Variants in ESRP2 observed in about 807,000 individuals in gnomAD.
The protein encoded by ESRP2 is epithelial splicing regulatory protein 2.
A neutral mutation model predicts 78.6 loss-of-function variants in ESRP2; 48 were observed. The observed-to-expected ratio is 0.61, with a 90% CI of 0.48 to 0.78. The LOEUF (loss-of-function observed/expected upper bound fraction) is 0.78. Among genes scored for constraint, ESRP2 ranks in the 30% least tolerant of loss-of-function variants. ESRP2 has a pLI of 0.00. For missense variants in ESRP2, 863 were observed against 965.9 expected, an observed-to-expected ratio of 0.89 and a Z score of 1.41; for synonymous variants, 383 against 406.7, an observed-to-expected ratio of 0.94 and a Z score of 0.70.
chr16:68,231,706 GGCA>G lies in ESRP2; in HGVS notation c.1300-15_1300-13del. 6.3e-7 allele frequency: 1 copy of G among 1,596,556 alleles called. No homozygotes were observed. The highest frequency in any genetic ancestry group is 1.3e-5 in the African/African-American group (1 of 74,740). On this transcript the variant is annotated splice_polypyrimidine_tract_variant and intron_variant, in intron 10 of 14. Transcript: ENST00000473183. This position sits in a 1 kb window ranked among gnomAD's most constrained non-coding sequence, Gnocchi z 6.0. ...TAGCGGTTCAAGACCTAGTAAGGAA[GGCA>G]GCAACAGGCTGGTCATGCCAAGTAG...
Position 68,232,781 on chromosome 16 carries a change from C to A in ESRP2, c.690G>T (p.Gln230His). The A allele has an allele frequency of 6.2e-7, 1 of 1,614,254 alleles. No individual in the cohort carries two copies. The highest frequency in any genetic ancestry group is 1.1e-5 in the South Asian group (1 of 91,088). The change falls in exon 6 of 15, where the codon CAG (glutamine) becomes CAT (histidine). Residue 230 changes from glutamine to histidine, a missense_variant. Gln to His is a conservative substitution (Grantham distance 24, BLOSUM62 0). Coordinates refer to ENST00000473183, the MANE Select transcript of ESRP2 (RefSeq NM_024939.3). This position sits in a 1 kb window ranked among gnomAD's most constrained non-coding sequence, Gnocchi z 5.2. ...QLFSKPEVIK[Q>H]KYETGPCSKA... The stretch of plus-strand genomic sequence containing the variant: ...CTCACCAAGGCCCCGTCTCGTATTT[C>A]TGCTTTATCACCTCGGGCTTCGAAA...
rs955203403 is a variant in ESRP2, at chr16:68,232,497, A to G, written c.828T>C (p.Gly276=). The change falls in exon 8 of 15, where the codon GGT becomes GGC. Residue 276 remains glycine, a synonymous_variant. Coordinates refer to ENST00000473183, the MANE Select transcript of ESRP2 (RefSeq NM_024939.3). This position sits in a 1 kb window ranked among gnomAD's most constrained non-coding sequence, Gnocchi z 5.2. ...FFKGLNVARG[G]VALCLNAQGR... The stretch of plus-strand genomic sequence containing the variant: ...CCTGGGCGTTGAGGCAGAGTGCTAC[A>G]CCACCCCTGTGGAGCCAGTGCTGTT... 3 of 1,613,942 alleles carry G rather than the reference A, an allele frequency of 1.9e-6. No homozygotes were observed. The highest frequency in any genetic ancestry group is 2.7e-5 in the African/African-American group (2 of 74,898).
chr16:68,233,938 G>A, intron 3 of ESRP2, 56 bp from the exon 4 acceptor site: 1 of 1,603,202 alleles, frequency 6.2e-7, no homozygotes, highest in South Asian at 1.1e-5. Context: ...GACAAGAGGG[G>A]TTCTGGGAAC....
chr16:68,231,596 A>C lies in ESRP2; in HGVS notation c.1398T>G (p.Cys466Trp). 1 of 1,613,954 alleles carries C rather than the reference A, an allele frequency of 6.2e-7. No individual in the cohort carries two copies. Among genetic ancestry groups the C allele is most frequent in the South Asian group, 1.1e-5 (1 of 91,072 alleles). The change falls in exon 11 of 15, where the codon TGT (cysteine) becomes TGG (tryptophan). Residue 466 changes from cysteine to tryptophan, a missense_variant. By Grantham distance (215) the Cys-to-Trp change is radical. Coordinates refer to ENST00000473183, the MANE Select transcript of ESRP2 (RefSeq NM_024939.3). The surrounding 1 kb of genome is among the most constrained non-coding windows in gnomAD (Gnocchi z 6.0). ...TGTAGGGCAGGCCTCGGAGGCGTAC[A>C]CAGTCCCTCCCAGTCCCAGGTGCCA... is the stretch of plus-strand genomic sequence containing the variant. Reference protein sequence around the residue: ...FPLAPGTGRDCVRLRGLPYTA... With the variant: ...FPLAPGTGRDWVRLRGLPYTA...
At chr16:68,234,364 A>G in intron 2 of ESRP2, 1 of 472,184 alleles carries the variant, frequency 2.1e-6, no homozygotes, top group Non-Finnish European at 3.8e-6. Flanking sequence ...CCCTCAACAC[A>G]CACACTCCAG....
rs1413747127 is a variant in ESRP2, at chr16:68,231,231, A to G, written c.1658T>C (p.Met553Thr). 1.1e-5 allele frequency: 17 copies of G among 1,613,770 alleles called. No homozygotes were observed. Among genetic ancestry groups the G allele is most frequent in the South Asian group, 6.6e-5 (6 of 91,092 alleles). Reference sequence around the variant, plus strand: ...GCCACTGCGGCCCAAGGTGCCCCCCATCAGCACTCGGCTCATCTCCTCTGT... The same window carrying G: ...GCCACTGCGGCCCAAGGTGCCCCCCGTCAGCACTCGGCTCATCTCCTCTGT... ...CSTEEMSRVLMGGTLGRSGMS... is the reference protein window; with the variant it reads ...CSTEEMSRVLTGGTLGRSGMS... The change falls in exon 12 of 15, where the codon ATG becomes ACG. Residue 553 changes from methionine (M) to threonine (T), a missense_variant. Physicochemically the swap from Met to Thr is moderately conservative, Grantham distance 81. Coordinates refer to ENST00000473183, the MANE Select transcript of ESRP2 (RefSeq NM_024939.3). The surrounding 1 kb of genome is among the most constrained non-coding windows in gnomAD (Gnocchi z 6.0).
chr16:68,229,442 A>G lies in ESRP2; in HGVS notation c.*784T>C, dbSNP rs1274770989. The G allele has an allele frequency of 1.3e-5, 2 of 152,686 alleles. No individual in the cohort carries two copies. Among genetic ancestry groups the G allele is most frequent in the African/African-American group, 4.8e-5 (2 of 41,460 alleles). 9.5% of individuals were successfully genotyped at this position (152,686 alleles called of 1,614,324 possible). A position where few individuals can be genotyped will look rare whatever the true frequency, so the allele number is the denominator to read the frequency against. ...CAGTTCTGTACCATTTAATGCGTGC[A>G]AAGGACATTCCATGGTGTCTGCTGG... On this transcript the variant is annotated 3_prime_UTR_variant, in exon 15 of 15. Coordinates refer to ENST00000473183, the MANE Select transcript of ESRP2 (RefSeq NM_024939.3).
At chr16:68,233,739 C>G in intron 4 of ESRP2, 29 bp downstream of exon 4, 2 of 1,563,592 alleles carry the variant, frequency 1.3e-6, no homozygotes, top group South Asian at 1.1e-5. Flanking sequence ...AGTGGCTTCT[C>G]CACCCTAACC....
Position 68,235,512 on chromosome 16 carries a change from A to C in ESRP2, c.327+122T>G. On this transcript the variant is annotated intron_variant, in intron 2 of 14. Transcript: ENST00000473183. This position sits in a 1 kb window ranked among gnomAD's most constrained non-coding sequence, Gnocchi z 5.5. ...CGAGAGTCGCTCAAAGTTTCAAACA[A>C]GAGCCCAGTCCTGCCGCCTGGACCG... 1 of 1,468,432 alleles carries C rather than the reference A, an allele frequency of 6.8e-7. No individual in the cohort carries two copies. Among genetic ancestry groups the C allele is most frequent in the Non-Finnish European group, 8.9e-7 (1 of 1,117,364 alleles). 91.0% of individuals were successfully genotyped at this position (1,468,432 alleles called of 1,614,324 possible).
Position 68,230,901 on chromosome 16 carries a change from A to T in ESRP2, c.1838T>A (p.Val613Asp). Residue 613 changes from valine to aspartate, a missense_variant, in exon 13 of 15, where the codon GTT (valine) becomes GAT (aspartate). Physicochemically the swap from Val to Asp is radical, Grantham distance 152. Coordinates refer to ENST00000473183, the MANE Select transcript of ESRP2 (RefSeq NM_024939.3). ...AARVPAAPTPVAYYPGPATQL... is the reference protein window; with the variant it reads ...AARVPAAPTPDAYYPGPATQL... ...AGTGGCTGGCCCTGGATAGTAGGCA[A>T]CAGGGGTGGGGGCAGCAGGCACCCT... 1 of 1,614,008 alleles carries T rather than the reference A, an allele frequency of 6.2e-7. No individual in the cohort carries two copies. The highest frequency in any genetic ancestry group is 2.2e-5 in the East Asian group (1 of 44,862).
rs2042211803 is a variant in ESRP2, at chr16:68,235,450, A to C, written c.327+184T>G. 2 of 985,262 alleles carry C rather than the reference A, an allele frequency of 2.0e-6. No homozygotes were observed. Among genetic ancestry groups the C allele is most frequent in the African/African-American group, 3.5e-5 (2 of 57,224 alleles). The allele number at this position is 985,262 out of a possible 1,614,324, so 61.0% of individuals were successfully genotyped here. ...GTTGAAAAGTAAGGAGCCCAGGGGA[A>C]TGGCTGGCACGCGCGGATGAAAGGG... On this transcript the variant is annotated intron_variant, in intron 2 of 14. Transcript: ENST00000473183. The surrounding 1 kb of genome is among the most constrained non-coding windows in gnomAD (Gnocchi z 5.5).
chr16:68,231,214 G>A lies in ESRP2; in HGVS notation c.1675C>T (p.Arg559Cys), dbSNP rs370690332. 9.3e-6 allele frequency: 15 copies of A among 1,613,538 alleles called. No individual in the cohort carries two copies. Among genetic ancestry groups the A allele is most frequent in the African/African-American group, 1.3e-5 (1 of 74,878 alleles). ...SRVLMGGTLG[R>C]SGMSPPPCKL... ...CAGGGTGGAGGGGACATGCCACTGC[G>A]GCCCAAGGTGCCCCCCATCAGCACT... is the stretch of plus-strand genomic sequence containing the variant. Residue 559 changes from arginine (R) to cysteine (C), a missense_variant, in exon 12 of 15, where the codon CGC becomes TGC. Coordinates refer to ENST00000473183, the MANE Select transcript of ESRP2 (RefSeq NM_024939.3). This position sits in a 1 kb window ranked among gnomAD's most constrained non-coding sequence, Gnocchi z 6.0.
Position 68,232,904 on chromosome 16 carries a change from T to C in ESRP2, c.656-89A>G. 6.3e-7 allele frequency: 1 copy of C among 1,577,266 alleles called. No homozygotes were observed. Among genetic ancestry groups the C allele is most frequent in the Non-Finnish European group, 8.7e-7 (1 of 1,151,552 alleles). On this transcript the variant is annotated intron_variant, in intron 5 of 14. Transcript: ENST00000473183. This position sits in a 1 kb window ranked among gnomAD's most constrained non-coding sequence, Gnocchi z 5.2. ...GCAAAAAGTGGACAATTGAGAGAGATGAAGAAATGACAGGCCGAGCACAGT... is the reference window on the plus strand; with the variant it reads ...GCAAAAAGTGGACAATTGAGAGAGACGAAGAAATGACAGGCCGAGCACAGT...
chr16:68,233,930 CAA>C (rs776890207), intron 3 of ESRP2, 48 bp from the exon 4 acceptor site: 2 of 1,605,880 alleles, frequency 1.2e-6, no homozygotes, highest in African/African-American at 1.3e-5. Context: ...ACCCTCAGGA[CAA>C]GAGGGGTTCT....
rs769177063 is a variant in ESRP2, at chr16:68,232,445, G to A, written c.880C>T (p.Arg294Cys). The change falls in exon 8 of 15, where the codon CGC becomes TGC. Residue 294 changes from arginine to cysteine, a missense_variant. Physicochemically the swap from Arg to Cys is radical, Grantham distance 180. Transcript: ENST00000473183. The surrounding 1 kb of genome is among the most constrained non-coding windows in gnomAD (Gnocchi z 5.2). Reference sequence around the variant, plus strand: ...TCCCGCTGCTCGCTGTCCACAAAGCGGATGAGGGCCTCGCCATTTCTGCGG... The same window carrying A: ...TCCCGCTGCTCGCTGTCCACAAAGCAGATGAGGGCCTCGCCATTTCTGCGG... ...QGRRNGEALIRFVDSEQRDLA... is the reference protein window; with the variant it reads ...QGRRNGEALICFVDSEQRDLA... The A allele has an allele frequency of 1.1e-5, 17 of 1,614,050 alleles. No homozygotes were observed. The highest frequency in any genetic ancestry group is 1.4e-5 in the Non-Finnish European group (17 of 1,180,042).
rs1274770989 is a variant in ESRP2 at position 68,229,442 on chromosome 16, A to C, written c.*784T>G. Reference sequence around the variant, plus strand: ...CAGTTCTGTACCATTTAATGCGTGCAAAGGACATTCCATGGTGTCTGCTGG... The same window carrying C: ...CAGTTCTGTACCATTTAATGCGTGCCAAGGACATTCCATGGTGTCTGCTGG... On this transcript the variant is annotated 3_prime_UTR_variant, in exon 15 of 15. Coordinates refer to ENST00000473183, the MANE Select transcript of ESRP2 (RefSeq NM_024939.3). 2 of 152,686 alleles carry C rather than the reference A, an allele frequency of 1.3e-5. No homozygotes were observed. The highest frequency in any genetic ancestry group is 2.9e-5 in the Non-Finnish European group (2 of 68,062). The allele number at this position is 152,686 out of a possible 1,614,324, so 9.5% of individuals were successfully genotyped here.
At position 68,230,334 on chromosome 16, in the gene ESRP2, T is replaced by C. The variant is rs1337690612; in HGVS notation, c.2065-19A>G. Reference sequence around the variant, plus strand: ...CGGGTAGCTACAGAAGGGACACAGATTTAGGGCAGAGAGCTCAGCCAGACC... The same window carrying C: ...CGGGTAGCTACAGAAGGGACACAGACTTAGGGCAGAGAGCTCAGCCAGACC... On this transcript the variant is annotated intron_variant, in intron 14 of 14. Coordinates refer to ENST00000473183, the MANE Select transcript of ESRP2 (RefSeq NM_024939.3). 3 of 1,614,090 alleles carry C rather than the reference T, an allele frequency of 1.9e-6. No homozygotes were observed. The highest frequency in any genetic ancestry group is 2.2e-5 in the East Asian group (1 of 44,882).
chr16:68,232,770 GTC>G lies in ESRP2; in HGVS notation c.699_700del (p.Glu233AspfsTer8). The G allele has an allele frequency of 6.2e-7, 1 of 1,614,222 alleles. No individual in the cohort carries two copies. Among genetic ancestry groups the G allele is most frequent in the Non-Finnish European group, 8.5e-7 (1 of 1,180,020 alleles). On this transcript the variant is annotated frameshift_variant, in exon 6 of 15. Coordinates refer to ENST00000473183, the MANE Select transcript of ESRP2 (RefSeq NM_024939.3). LOFTEE classifies it high-confidence loss of function. This position sits in a 1 kb window ranked among gnomAD's most constrained non-coding sequence, Gnocchi z 5.2. ...CTGCTCCCACACTCACCAAGGCCCC[GTC>G]TCGTATTTCTGCTTTATCACCTCGG...
chr16:68,235,572 G>C lies in ESRP2; in HGVS notation c.327+62C>G, dbSNP rs1053409769. 1.3e-6 allele frequency: 2 copies of C among 1,584,426 alleles called. No individual in the cohort carries two copies. The highest frequency in any genetic ancestry group is 2.7e-5 in the African/African-American group (2 of 74,534). ...GGCACGCCAGGCCTAGCCTCCGGCC[G>C]CCAATCCCGCCCAGAAATGTCCTCA... On this transcript the variant is annotated intron_variant, in intron 2 of 14. Transcript: ENST00000473183. The surrounding 1 kb of genome is among the most constrained non-coding windows in gnomAD (Gnocchi z 5.5).
Sources: allele counts gnomAD v4.1 joint callset, GRCh38; gene constraint gnomAD v4.1.1; non-coding constraint Gnocchi (gnomAD v3.1); transcripts MANE v1.5; gene names NCBI Gene and HGNC (gene_info 2026-07-23, HGNC 2026-07-21).